Variants in KRABD5 observed in about 807,000 individuals in gnomAD.
KRABD5 encodes KRAB domain-containing protein 5.
At chr16:31,746,147 G>A in the KRABD5 span, among the ~76,000 whole-genome samples, 1 of 152,118 alleles carries the variant, frequency 6.6e-6, no homozygotes, top group Non-Finnish European at 1.5e-5. Context: ...GTGTGAATTT[G>A]ATCCCGTCAT....
chr16:31,734,200 TTAG>T, the KRABD5 span, among the ~76,000 whole-genome samples: 1 of 152,154 alleles, frequency 6.6e-6, no homozygotes. Context: ...TTGGTAATTC[TTAG>T]TGGTGAGAAC....
At chr16:31,721,463 A>G in the KRABD5 span, among the ~76,000 whole-genome samples, 1 of 151,378 alleles carries the variant, frequency 6.6e-6, no homozygotes, top group African/African-American at 2.4e-5. Context: ...AATAATAAAT[A>G]AAAAAATAAA....
the KRABD5 span, chr16:31,755,313 G>A: frequency 9.5e-5 from 48 of 507,630 alleles, 1 homozygote; most frequent in Admixed American, 9.8e-4. Context: ...TGCAAAGAAT[G>A]TGGCAAAGCC....
chr16:31,755,636 A>G, the KRABD5 span: 1 of 484,692 alleles, frequency 2.1e-6, no homozygotes, highest in South Asian at 1.5e-5. Flanking sequence ...GAAACCCTAC[A>G]AATGTAAAGA....
At chr16:31,716,166 C>T in the KRABD5 span, among the ~76,000 whole-genome samples, 1,746 of 152,248 alleles carry the variant, frequency 0.011, 36 homozygotes, top group African/African-American at 0.04. Flanking sequence ...CTTATCCTTG[C>T]CCCCAGACCC....
At chr16:31,759,514 G>T in the KRABD5 span, 1 of 1,213,486 alleles carries the variant, frequency 8.2e-7, no homozygotes, top group Non-Finnish European at 1.2e-6. Flanking sequence ...TACAGTTAAG[G>T]TTTATGCCTT....
At chr16:31,743,441 G>T in the KRABD5 span, among the ~76,000 whole-genome samples, 62 of 152,226 alleles carry the variant, frequency 4.1e-4, 1 homozygote, top group East Asian at 8.9e-3. Context: ...TAGATGTATG[G>T]TGTTATTTCT....
At chr16:31,730,006 A>T in the KRABD5 span, among the ~76,000 whole-genome samples, 4 of 151,708 alleles carry the variant, frequency 2.6e-5, no homozygotes, top group Non-Finnish European at 5.9e-5. Context: ...CTATACTTTT[A>T]AAAAATAGTT....
chr16:31,729,361 G>C, the KRABD5 span, among the ~76,000 whole-genome samples: 2 of 152,214 alleles, frequency 1.3e-5, no homozygotes, highest in East Asian at 1.9e-4. Flanking sequence ...AGGGAAGGCA[G>C]AGAGCATGAC....
chr16:31,714,684 C>A, the KRABD5 span, among the ~76,000 whole-genome samples: 7 of 152,188 alleles, frequency 4.6e-5, no homozygotes, highest in Non-Finnish European at 1.0e-4. Context: ...CCAGTTAGTT[C>A]TTCCTGGGGA....
the KRABD5 span, among the ~76,000 whole-genome samples, chr16:31,741,502 T>C: frequency 6.6e-6 from 1 of 152,180 alleles, no homozygotes; most frequent in African/African-American, 2.4e-5. Context: ...ATCACTATTC[T>C]GAGTGGTGTA....
chr16:31,742,392 T>C, the KRABD5 span, among the ~76,000 whole-genome samples: 3 of 152,290 alleles, frequency 2.0e-5, no homozygotes, highest in Middle Eastern at 3.4e-3. Flanking sequence ...CTCCCACTTA[T>C]AAGCGAGAAC....
At chr16:31,723,694 C>T in the KRABD5 span, among the ~76,000 whole-genome samples, 1 of 152,110 alleles carries the variant, frequency 6.6e-6, no homozygotes, top group Non-Finnish European at 1.5e-5. Context: ...TATGTGAAAC[C>T]ACTTCTAAAG....
chr16:31,714,068 G>T, the KRABD5 span, among the ~76,000 whole-genome samples: 1 of 152,166 alleles, frequency 6.6e-6, no homozygotes, highest in African/African-American at 2.4e-5. Flanking sequence ...TAAAATATCA[G>T]GTCCTCTCTT....
the KRABD5 span, among the ~76,000 whole-genome samples, chr16:31,725,900 C>T: frequency 1.3e-5 from 2 of 152,182 alleles, no homozygotes; most frequent in East Asian, 1.9e-4. Flanking sequence ...TTCTCCCAGT[C>T]CTTAGGCCAG....
chr16:31,741,040 G>A, the KRABD5 span, among the ~76,000 whole-genome samples: 42 of 152,146 alleles, frequency 2.8e-4, no homozygotes, highest in Middle Eastern at 0.017. Context: ...TGTACCTAAT[G>A]TTTAGTTCCC....
the KRABD5 span, chr16:31,761,018 A>G: frequency 6.6e-6 from 1 of 152,142 alleles, no homozygotes; most frequent in African/African-American, 2.4e-5. Flanking sequence ...CCAGAACCTC[A>G]AGGGCCCATG....
At chr16:31,726,817 A>G in the KRABD5 span, among the ~76,000 whole-genome samples, 9 of 152,180 alleles carry the variant, frequency 5.9e-5, no homozygotes, top group Admixed American at 5.9e-4. Context: ...TTTCTCTGAA[A>G]AGTGACATTG....
the KRABD5 span, among the ~76,000 whole-genome samples, chr16:31,744,423 C>T: frequency 6.6e-6 from 1 of 152,028 alleles, no homozygotes; most frequent in African/African-American, 2.4e-5. Context: ...TGACGGATTA[C>T]GTTTATTGAT....
Sources: allele counts gnomAD v4.1 joint callset (sites outside exome capture counted in the v4.1 genomes callset), GRCh38; gene constraint gnomAD v4.1.1; transcripts MANE v1.5; gene names NCBI Gene and HGNC (gene_info 2026-07-23, HGNC 2026-07-21).